Variants in WDFY4 observed in about 807,000 individuals in gnomAD.
WDFY4 encodes the protein WDFY family member 4.
WDFY4 carries 169 observed loss-of-function variants against 351.9 expected under a neutral mutation model. That is an observed-to-expected ratio of 0.48 (90% confidence interval 0.42 to 0.55). WDFY4 has a LOEUF of 0.55. WDFY4 is among the 20% of genes least tolerant of loss of function. The pLI, the probability that WDFY4 is intolerant of heterozygous loss-of-function variation, is 0.00. For missense variants in WDFY4, 3,803 were observed against 3,935.6 expected (o/e 0.97, Z 0.90); for synonymous variants, 1,622 against 1,574.6 (o/e 1.03, Z -0.71).
chr10:48,872,567 A>T (rs1400337582), intron 40 of WDFY4, among the ~76,000 whole-genome samples: 5 of 152,210 alleles, frequency 3.3e-5, no homozygotes, highest in African/African-American at 1.2e-4. Flanking sequence ...TTTTCTGAAA[A>T]CATTAAATGT....
intron 24 of WDFY4, among the ~76,000 whole-genome samples, chr10:48,798,664 C>T (rs746376641): frequency 6.6e-6 from 1 of 152,154 alleles, no homozygotes; most frequent in African/African-American, 2.4e-5. Context: ...AAACAACAAC[C>T]AGAAGGGAAC....
rs561908234 is a variant in WDFY4, at chr10:48,784,935, A to G, written c.3577-1704A>G. Among the ~76,000 whole-genome samples, 608 of 138,134 alleles carry G rather than the reference A, an allele frequency of 4.4e-3. 2 individuals carry two copies. Among genetic ancestry groups the G allele is most frequent in the African/African-American group, 0.016 (575 of 36,442 alleles). 90.6% of individuals were successfully genotyped at this position (138,134 alleles called of 152,430 possible). A position where few individuals can be genotyped will look rare whatever the true frequency, so the allele number is the denominator to read the frequency against. On this transcript the variant is annotated intron_variant, in intron 19 of 61. Coordinates refer to ENST00000325239, the MANE Select transcript of WDFY4 (RefSeq NM_001394531.1). ...TGCAGTGGTGCGATCTCGGCTCACT[A>G]TAAGCTCCGCCTCCTGGGTTCGCGC...
chr10:48,723,330 C>A (rs1486263325), intron 4 of WDFY4, 103 bp from the exon 5 acceptor site: 6 of 1,416,790 alleles, frequency 4.2e-6, no homozygotes, highest in Admixed American at 4.7e-5. Context: ...GAGGGACTGT[C>A]CCATGGCCTC....
chr10:48,716,931 C>T (rs1378873408), intron 2 of WDFY4, among the ~76,000 whole-genome samples: 1 of 152,190 alleles, frequency 6.6e-6, no homozygotes, highest in Non-Finnish European at 1.5e-5. Flanking sequence ...CAGGGATTAA[C>T]ATGTCTGAGT....
At chr10:48,689,353 A>G (rs959798013) in intron 1 of WDFY4, among the ~76,000 whole-genome samples, 2 of 152,210 alleles carry the variant, frequency 1.3e-5, no homozygotes, top group South Asian at 2.1e-4. Context: ...TACAGAAGCC[A>G]CTAGCCATAC....
intron 25 of WDFY4, among the ~76,000 whole-genome samples, chr10:48,804,250 T>A (rs985586459): frequency 1.5e-4 from 23 of 152,226 alleles, no homozygotes; most frequent in African/African-American, 5.5e-4. Context: ...ATTTTGAATG[T>A]ATTTGTAAAT....
At chr10:48,728,291 C>A (rs11101442) in intron 7 of WDFY4, among the ~76,000 whole-genome samples, 4 of 152,108 alleles carry the variant, frequency 2.6e-5, no homozygotes, top group Non-Finnish European at 5.9e-5. Flanking sequence ...GCTCAGACAC[C>A]GTTCAGCAGG....
In WDFY4 at chr10:48,743,182, A is replaced by G. The variant is rs1025445260; in HGVS notation, c.2093A>G (p.Asn698Ser). ...VSAALHWDPV[N>S]GYFFRRNGLF... ...GCAGCGCTGCACTGGGACCCTGTCA[A>G]TGGCTACTTCTTCAGGAGGAATGGG... The change falls in exon 12 of 62, where the codon AAT (asparagine) becomes AGT (serine). Residue 698 changes from asparagine (N) to serine (S), a missense_variant. Asn to Ser is a conservative substitution (Grantham distance 46, BLOSUM62 1). Transcript: ENST00000325239. 5.8e-6 allele frequency: 9 copies of G among 1,551,598 alleles called. No individual in the cohort carries two copies. The African/African-American group carries it at 8.2e-5, about 14-fold the overall frequency.
At chr10:48,941,620 G>A (rs1385142440) in intron 47 of WDFY4, among the ~76,000 whole-genome samples, 186 bp from the exon 48 acceptor site, 3 of 152,164 alleles carry the variant, frequency 2.0e-5, no homozygotes, top group African/African-American at 7.2e-5. Flanking sequence ...AGCAGGCCAG[G>A]GTGGGGCAAG....
At chr10:48,910,351 A>G in intron 47 of WDFY4, 1 of 1,097,448 alleles carries the variant, frequency 9.1e-7, no homozygotes, top group East Asian at 2.4e-5. Flanking sequence ...CACCAAGGTC[A>G]TGCCTGACCT....
intron 1 of WDFY4, among the ~76,000 whole-genome samples, chr10:48,697,011 T>TG (rs1370736866): frequency 6.6e-6 from 1 of 152,236 alleles, no homozygotes; most frequent in Non-Finnish European, 1.5e-5. Flanking sequence ...TGGGTTGGCC[T>TG]GGCCTTGGAG....
chr10:48,794,998 T>C (rs2066809371), intron 23 of WDFY4, among the ~76,000 whole-genome samples: 1 of 152,130 alleles, frequency 6.6e-6, no homozygotes, highest in Admixed American at 6.5e-5. Flanking sequence ...GGGTTATTTT[T>C]ACAATGAGAA....
intron 12 of WDFY4, among the ~76,000 whole-genome samples, chr10:48,759,456 A>G (rs1239176252): frequency 6.6e-6 from 1 of 152,154 alleles, no homozygotes; most frequent in Non-Finnish European, 1.5e-5. Context: ...GAAAAGAGCA[A>G]TGGGAATTTT....
At chr10:48,721,231 G>A in intron 3 of WDFY4, 30 bp from the exon 4 acceptor site, 1 of 1,543,326 alleles carries the variant, frequency 6.5e-7, no homozygotes, top group South Asian at 1.2e-5. Context: ...GCAGGTCGCT[G>A]TATGCCCTGC....
At chr10:48,697,943 T>C (rs899743744) in intron 1 of WDFY4, among the ~76,000 whole-genome samples, 14 of 152,176 alleles carry the variant, frequency 9.2e-5, no homozygotes, top group Non-Finnish European at 1.2e-4. Flanking sequence ...CTGCCTGGCC[T>C]TCTCTGAGTA....
At chr10:48,828,927 C>CGGGG (rs750491062) in intron 37 of WDFY4, 31 bp downstream of exon 37, 26 of 63,720 alleles carry the variant, frequency 4.1e-4, no homozygotes, top group South Asian at 8.8e-4. Flanking sequence ...TGTGTGTGGG[C>CGGGG]GGGGGGGGGG....
intron 6 of WDFY4, 45 bp from the exon 7 acceptor site, chr10:48,727,425 T>C (rs943050108): frequency 1.3e-6 from 2 of 1,532,978 alleles, no homozygotes; most frequent in African/African-American, 1.4e-5. Context: ...AGGAAAGCTC[T>C]TGCTTCCAAG....
chr10:48,721,748 C>T (rs1229034317), intron 4 of WDFY4, among the ~76,000 whole-genome samples: 2 of 152,134 alleles, frequency 1.3e-5, no homozygotes, highest in African/African-American at 4.8e-5. Context: ...TCAGTTAATC[C>T]TCCCAAGGAC....
chr10:48,853,250 A>T (rs1454562265), intron 39 of WDFY4, among the ~76,000 whole-genome samples: 2 of 152,200 alleles, frequency 1.3e-5, no homozygotes, highest in African/African-American at 4.8e-5. Flanking sequence ...TCACAAGTCC[A>T]CATGGCTGTG....
Sources: gnomAD v4.1 joint callset for allele counts (sites outside exome capture counted in the v4.1 genomes callset) on GRCh38, gnomAD v4.1.1 for gene constraint, MANE v1.5 for transcripts, NCBI Gene and HGNC (gene_info 2026-07-23, HGNC 2026-07-21) for gene names.